The following NOS1 variants were observed in gnomAD, a reference collection of about 807,000 sequenced individuals.
The protein encoded by NOS1 is NOS type I.
A neutral mutation model predicts 164.5 loss-of-function variants in NOS1; 51 were observed. The observed-to-expected ratio is 0.31, with a 90% CI of 0.25 to 0.39. The LOEUF is 0.39. Among genes scored for constraint, NOS1 ranks in the 10% least tolerant of loss-of-function variants. NOS1 has a pLI of 1.00. For synonymous variants in NOS1, 719 were observed against 745.8 expected (o/e 0.96, Z 0.59); for missense variants, 1,362 against 1,885.6 (o/e 0.72, Z 5.14).
intron 3 of NOS1, chr12:117,301,902 A>G (rs1873836605): frequency 2.3e-6 from 1 of 432,732 alleles, no homozygotes; most frequent in Admixed American, 2.6e-5. Context: ...ATTTAGCCAA[A>G]TAAGAACAAT....
At chr12:117,321,805 G>A (rs1593020860) in intron 2 of NOS1, among the ~76,000 whole-genome samples, 2 of 152,216 alleles carry the variant, frequency 1.3e-5, no homozygotes, top group East Asian at 3.9e-4. Context: ...GCTGAGGTCA[G>A]TTCTAATGGA....
chr12:117,238,389 T>C (rs1444957853), intron 20 of NOS1, among the ~76,000 whole-genome samples: 1 of 152,126 alleles, frequency 6.6e-6, no homozygotes. Flanking sequence ...ATATTTTGCG[T>C]CCTATGTAAA....
At chr12:117,303,834 T>C (rs1359828178) in intron 3 of NOS1, among the ~76,000 whole-genome samples, 1 of 152,158 alleles carries the variant, frequency 6.6e-6, no homozygotes, top group African/African-American at 2.4e-5. Flanking sequence ...TCATGTTGTT[T>C]ATCTGGGGTA....
rs202090735 is a variant in NOS1, at chr12:117,288,144, C to T, written c.1057G>A (p.Val353Ile). Residue 353 changes from valine (V) to isoleucine (I), a missense_variant, in exon 5 of 29, where the codon GTC becomes ATC. Val to Ile is a conservative substitution (Grantham distance 29). Coordinates refer to ENST00000317775, the MANE Select transcript of NOS1 (RefSeq NM_000620.5). Reference sequence around the variant, plus strand: ...GGGAAGAGCTGTCCTTTTGTGCGGACGTCTTCAGGCCTCCTTGCATGCTGA... The same window carrying T: ...GGGAAGAGCTGTCCTTTTGTGCGGATGTCTTCAGGCCTCCTTGCATGCTGA... ...PSQHARRPED[V>I]RTKGQLFPLA... The T allele has an allele frequency of 3.3e-4, 532 of 1,614,156 alleles. No homozygotes were observed. The highest frequency in any genetic ancestry group is 3.9e-4 in the Non-Finnish European group (461 of 1,180,024).
Position 117,214,594 on chromosome 12 carries a change from A to G in NOS1, c.*715T>C, listed in dbSNP as rs1956574282. 1.0e-6 allele frequency: 1 copy of G among 985,230 alleles called. No homozygotes were observed. Among genetic ancestry groups the G allele is most frequent in the Non-Finnish European group, 1.2e-6 (1 of 829,946 alleles). 61.0% of individuals were successfully genotyped at this position (985,230 alleles called of 1,614,324 possible). On this transcript the variant is annotated 3_prime_UTR_variant, in exon 29 of 29. Coordinates refer to ENST00000317775, the MANE Select transcript of NOS1 (RefSeq NM_000620.5). Reference sequence around the variant, plus strand: ...CTGGGAATGCCTCTTTCATTGGGAGACAGCCCCTTTAATCAATTTCCCACT... The same window carrying G: ...CTGGGAATGCCTCTTTCATTGGGAGGCAGCCCCTTTAATCAATTTCCCACT...
intron 2 of NOS1, among the ~76,000 whole-genome samples, chr12:117,326,432 T>C (rs912906589): frequency 1.4e-5 from 2 of 147,910 alleles, no homozygotes; most frequent in Non-Finnish European, 3.0e-5. Context: ...CAAAAAGAAA[T>C]GGGGGTGCTT....
intron 17 of NOS1, 83 bp from the exon 18 acceptor site, chr12:117,247,605 C>T (rs1345092095): frequency 3.2e-6 from 4 of 1,244,628 alleles, no homozygotes; most frequent in Non-Finnish European, 4.4e-6. Context: ...TAAACTGTGT[C>T]CCCCCAAATT....
rs1956680241 is a variant in NOS1, at chr12:117,220,192, T to C, written c.4053A>G (p.Ile1351Met). Residue 1351 changes from isoleucine (I) to methionine (M), a missense_variant, in exon 27 of 29, where the codon ATA (isoleucine) becomes ATG (methionine). Physicochemically the swap from Ile to Met is conservative, Grantham distance 10. Coordinates refer to ENST00000317775, the MANE Select transcript of NOS1 (RefSeq NM_000620.5). ...CCATGGTGACGTCCCCACAGACGTA[T>C]ATGTGGCCCCCTTGCTCCTTCAGGG... ...YRALKEQGGH[I>M]YVCGDVTMAA... is the part of the protein sequence containing the mutation. 3 of 1,613,922 alleles carry C rather than the reference T, an allele frequency of 1.9e-6. No homozygotes were observed. Among genetic ancestry groups the C allele is most frequent in the Non-Finnish European group, 2.5e-6 (3 of 1,179,998 alleles).
intron 1 of NOS1, among the ~76,000 whole-genome samples, chr12:117,339,166 C>T (rs757776059): frequency 9.9e-5 from 15 of 152,196 alleles, no homozygotes; most frequent in Non-Finnish European, 2.2e-4. Flanking sequence ...CCACAAGTCC[C>T]CACAAATCTG....
chr12:117,360,241 C>G, intron 1 of NOS1, among the ~76,000 whole-genome samples: 1 of 152,058 alleles, frequency 6.6e-6, no homozygotes, highest in Middle Eastern at 3.2e-3. Flanking sequence ...GAGCCATGAG[C>G]TCTCTGGTCA....
At chr12:117,284,194 G>A (rs1296367205) in intron 7 of NOS1, among the ~76,000 whole-genome samples, 2 of 152,212 alleles carry the variant, frequency 1.3e-5, no homozygotes, top group African/African-American at 2.4e-5. Flanking sequence ...GCGCTTGTGG[G>A]AATATCTCTG....
chr12:117,227,314 G>T, intron 23 of NOS1, 117 bp downstream of exon 23: 1 of 941,680 alleles, frequency 1.1e-6, no homozygotes, highest in Non-Finnish European at 1.6e-6. Flanking sequence ...TGGTCTTGGG[G>T]ATGAGTTTCT....
chr12:117,325,122 C>T (rs1043841505), intron 2 of NOS1, among the ~76,000 whole-genome samples: 7 of 152,182 alleles, frequency 4.6e-5, no homozygotes, highest in African/African-American at 7.2e-5. Flanking sequence ...GTGGGCTTCA[C>T]TGTCACCCAA....
rs1251468301 is a variant in NOS1, at chr12:117,272,650, G to T, written c.1665-91C>A. ...TAGAGATGCTGAAATGCCAAGGATG[G>T]ACTGGGACTGACAAGGTCAGAATAT... is the stretch of plus-strand genomic sequence containing the variant. On this transcript the variant is annotated intron_variant, in intron 9 of 28. Transcript: ENST00000317775. This position sits in a 1 kb window ranked among gnomAD's most constrained non-coding sequence, Gnocchi z 4.3. The T allele has an allele frequency of 4.9e-6, 6 of 1,219,664 alleles. No individual in the cohort carries two copies. The highest frequency in any genetic ancestry group is 1.5e-5 in the African/African-American group (1 of 66,328). 75.6% of individuals were successfully genotyped at this position (1,219,664 alleles called of 1,614,324 possible).
At chr12:117,303,788 G>C (rs1055766213) in intron 3 of NOS1, among the ~76,000 whole-genome samples, 9 of 152,210 alleles carry the variant, frequency 5.9e-5, no homozygotes, top group Admixed American at 1.3e-4. Flanking sequence ...TTTGAATCCT[G>C]AGTTTGTGCA....
intron 16 of NOS1, among the ~76,000 whole-genome samples, chr12:117,257,695 C>T (rs915767211): frequency 2.0e-5 from 3 of 150,294 alleles, no homozygotes; most frequent in Non-Finnish European, 3.0e-5. Context: ...TCTGGCTCAG[C>T]CTCCAGAGTA....
intron 17 of NOS1, among the ~76,000 whole-genome samples, chr12:117,248,422 C>T (rs1216789303): frequency 2.0e-5 from 3 of 151,626 alleles, no homozygotes; most frequent in South Asian, 2.1e-4. Flanking sequence ...GTTCAATTCC[C>T]ACCTATGAGT....
At position 117,330,669 on chromosome 12, in the gene NOS1, T is replaced by C. The variant is rs1441968501; in HGVS notation, c.401A>G (p.Asp134Gly). Residue 134 changes from aspartate (D) to glycine (G), a missense_variant, in exon 2 of 29, where the codon GAT (aspartate) becomes GGT (glycine). Physicochemically the swap from Asp to Gly is moderately conservative, Grantham distance 94 (BLOSUM62 -1). Transcript: ENST00000317775. This position sits in a 1 kb window ranked among gnomAD's most constrained non-coding sequence, Gnocchi z 4.6. ...GCCGGCCGGTGGCTGGTGGGACAGA[T>C]CCACGGCTTTGGTGGGGGGACCCAG... The part of the protein sequence containing the change: ...QPLGPPTKAV[D>G]LSHQPPAGKE... 1 of 1,613,074 alleles carries C rather than the reference T, an allele frequency of 6.2e-7. No individual in the cohort carries two copies. The highest frequency in any genetic ancestry group is 1.1e-5 in the South Asian group (1 of 91,066).
At chr12:117,328,415 C>G (rs947307827) in intron 2 of NOS1, among the ~76,000 whole-genome samples, 12 of 152,128 alleles carry the variant, frequency 7.9e-5, no homozygotes, top group Non-Finnish European at 1.6e-4. Context: ...GTGATCTGCT[C>G]GTCTCAGCCT....
Sources: gnomAD v4.1 joint callset for allele counts (sites outside exome capture counted in the v4.1 genomes callset) on GRCh38, gnomAD v4.1.1 for gene constraint, Gnocchi (gnomAD v3.1) non-coding constraint, MANE v1.5 for transcripts, NCBI Gene and HGNC (gene_info 2026-07-23, HGNC 2026-07-21) for gene names.